SLC1A2: variants seen among roughly 807,000 people sequenced by gnomAD.
SLC1A2 encodes the protein excitatory amino acid transporter 2.
SLC1A2 carries 15 observed loss-of-function variants against 48.8 expected under a neutral mutation model. That is an observed-to-expected ratio of 0.31 (90% CI 0.21 to 0.47). The LOEUF (loss-of-function observed/expected upper bound fraction) is 0.47, where lower values mean the gene tolerates loss of function less well. Ranked by LOEUF, SLC1A2 falls within the 20% of genes least tolerant of loss-of-function variation. The pLI, the probability that SLC1A2 is intolerant of heterozygous loss-of-function variation, is 0.99. For synonymous variants in SLC1A2, 279 were observed against 272.6 expected (o/e 1.02, Z -0.23); for missense variants, 502 against 730.5 (o/e 0.69, Z 3.61).
At chr11:35,403,369 A>C (rs1055452335) in intron 1 of SLC1A2, among the ~76,000 whole-genome samples, 3 of 152,228 alleles carry the variant, frequency 2.0e-5, no homozygotes, top group African/African-American at 7.2e-5. Context: ...GTTTTATGAA[A>C]GTATCTCCTT....
At position 35,305,735 on chromosome 11, in the gene SLC1A2, C is replaced by T. The variant is rs147072434; in HGVS notation, c.730+339G>A. ...CAGCTTTTAAAAAATGCTTAAGAAA[C>T]GAAAGCAATGGATGTGTCACTTAAT... On this transcript the variant is annotated intron_variant, in intron 5 of 10. Transcript: ENST00000278379. Among the ~76,000 whole-genome samples the T allele has an allele frequency of 6.6e-3, 1,002 of 152,276 alleles. 7 individuals carry two copies. Among genetic ancestry groups the T allele is most frequent in the African/African-American group, 0.023 (943 of 41,562 alleles).
At chr11:35,292,238 G>T in intron 7 of SLC1A2, 49 bp downstream of exon 7, 1 of 1,334,534 alleles carries the variant, frequency 7.5e-7, no homozygotes, top group Non-Finnish European at 1.1e-6. Flanking sequence ...AAATGGCAAA[G>T]AGGGCAAAAG....
intron 6 of SLC1A2, chr11:35,299,353 C>CTCTCTCTGTGTGTG (rs1554997938): frequency 6.8e-6 from 1 of 146,884 alleles, no homozygotes; most frequent in Non-Finnish European, 1.5e-5. Context: ...CTCTCTCTCT[C>CTCTCTCTGTGTGTG]TGTGTGTGTG....
At chr11:35,352,651 A>G (rs1853307230) in intron 1 of SLC1A2, among the ~76,000 whole-genome samples, 1 of 152,184 alleles carries the variant, frequency 6.6e-6, no homozygotes, top group African/African-American at 2.4e-5. Context: ...CCCTGTCTAG[A>G]ATTGCAAGCT....
intron 6 of SLC1A2, among the ~76,000 whole-genome samples, chr11:35,300,741 C>T (rs1204713119): frequency 2.0e-5 from 3 of 152,146 alleles, no homozygotes; most frequent in Non-Finnish European, 4.4e-5. Context: ...TCATGCTGAG[C>T]GAGGTGGCTC....
At chr11:35,396,705 T>G (rs1162307227) in intron 1 of SLC1A2, among the ~76,000 whole-genome samples, 2 of 152,146 alleles carry the variant, frequency 1.3e-5, no homozygotes, top group East Asian at 1.9e-4. Flanking sequence ...GTCAATTTTT[T>G]CTTTTGTTGC....
At chr11:35,417,406 C>T (rs1397824732) in intron 1 of SLC1A2, among the ~76,000 whole-genome samples, 1 of 152,166 alleles carries the variant, frequency 6.6e-6, no homozygotes, top group East Asian at 1.9e-4. Context: ...CCATCTTTTT[C>T]ACAGATGTTT....
Position 35,356,571 on chromosome 11 carries a change from G to A in SLC1A2, c.18-39055C>T, listed in dbSNP as rs115431330. On this transcript the variant is annotated intron_variant, in intron 1 of 10. Transcript: ENST00000278379. ...ACCTACTTTTGATCAAGAATATAAC[G>A]TATCTTTTCTCTGGGGCAGCAAAAT... Among the ~76,000 whole-genome samples, 487 of 152,290 alleles carry A rather than the reference G, an allele frequency of 3.2e-3. 3 individuals carry two copies. Among genetic ancestry groups the A allele is most frequent in the African/African-American group, 1.0e-2 (414 of 41,570 alleles).
chr11:35,348,786 G>A (rs372096149), intron 1 of SLC1A2, among the ~76,000 whole-genome samples: 13 of 151,714 alleles, frequency 8.6e-5, no homozygotes, highest in African/African-American at 2.2e-4. Flanking sequence ...CCAGCTACTC[G>A]GGAGGCTGAG....
At chr11:35,403,677 C>G (rs1855197799) in intron 1 of SLC1A2, among the ~76,000 whole-genome samples, 1 of 151,968 alleles carries the variant, frequency 6.6e-6, no homozygotes, top group Non-Finnish European at 1.5e-5. Flanking sequence ...ATGTTTATGC[C>G]CAAATAATCT....
At chr11:35,390,092 G>A (rs529610932) in intron 1 of SLC1A2, among the ~76,000 whole-genome samples, 9 of 152,162 alleles carry the variant, frequency 5.9e-5, no homozygotes, top group East Asian at 3.9e-4. Flanking sequence ...ATGTTTATTC[G>A]GTCAACAGCA....
rs1240610757 is a variant in SLC1A2, at chr11:35,417,478, C to T, written c.17+1472G>A. On this transcript the variant is annotated intron_variant, in intron 1 of 10. Transcript: ENST00000278379. ...AGGTCCATGAAGGCAACCAGAAATT[C>T]TTTCATATCTTTTCTAATATAAAAG... 2.6e-5 allele frequency among the ~76,000 whole-genome samples: 4 copies of T among 152,190 alleles called. No individual in the cohort carries two copies. The East Asian group carries it at 7.7e-4, about 29-fold the overall frequency.
At chr11:35,301,361 C>T (rs1007618060) in intron 6 of SLC1A2, among the ~76,000 whole-genome samples, 158 bp downstream of exon 6, 4 of 152,162 alleles carry the variant, frequency 2.6e-5, no homozygotes, top group Non-Finnish European at 4.4e-5. Context: ...CTAGGGGAAG[C>T]TCCAAAAAAG....
At chr11:35,332,667 G>T (rs1046251657) in intron 1 of SLC1A2, among the ~76,000 whole-genome samples, 5 of 152,142 alleles carry the variant, frequency 3.3e-5, no homozygotes, top group African/African-American at 9.6e-5. Context: ...AAATGGCAGG[G>T]TTTTTTTGCC....
chr11:35,345,552 T>A (rs1852996929), intron 1 of SLC1A2, among the ~76,000 whole-genome samples: 1 of 152,098 alleles, frequency 6.6e-6, no homozygotes, highest in Admixed American at 6.5e-5. Flanking sequence ...CTGTTGGGAC[T>A]GGAGGGGGAC....
intron 9 of SLC1A2, among the ~76,000 whole-genome samples, chr11:35,276,556 A>AAG (rs1850446930): frequency 6.6e-6 from 1 of 152,160 alleles, no homozygotes; most frequent in East Asian, 1.9e-4. Context: ...GAGCACCTGC[A>AAG]TGGGGTGATC....
intron 6 of SLC1A2, among the ~76,000 whole-genome samples, chr11:35,294,963 A>T (rs1032949843): frequency 2.0e-5 from 3 of 152,250 alleles, no homozygotes; most frequent in African/African-American, 7.2e-5. Context: ...ATGAGCATTA[A>T]GTAGAAGAAG....
rs539672896 is a variant in SLC1A2, at chr11:35,342,681, G to A, written c.18-25165C>T. 3.3e-5 allele frequency among the ~76,000 whole-genome samples: 5 copies of A among 152,206 alleles called. No individual in the cohort carries two copies. In the South Asian group the frequency reaches 1.0e-3, roughly 32 times the overall value. On this transcript the variant is annotated intron_variant, in intron 1 of 10. Transcript: ENST00000278379. The stretch of plus-strand genomic sequence containing the variant: ...CATGCCTGTAATCCCAGCACTTTGG[G>A]AAGCCGAGGTGGAAGGATCGCTTGA...
chr11:35,296,291 T>C (rs1193085363), intron 6 of SLC1A2, among the ~76,000 whole-genome samples: 1 of 152,166 alleles, frequency 6.6e-6, no homozygotes, highest in Non-Finnish European at 1.5e-5. Context: ...GTCCCACACG[T>C]TTCCAATAGC....
Sources: gnomAD v4.1 joint callset for allele counts (sites outside exome capture counted in the v4.1 genomes callset) on GRCh38, gnomAD v4.1.1 for gene constraint, MANE v1.5 for transcripts, NCBI Gene and HGNC (gene_info 2026-07-23, HGNC 2026-07-21) for gene names.